The following ITGBL1 variants were observed in gnomAD, a reference collection of about 807,000 sequenced individuals.
The protein encoded by ITGBL1 is integrin beta-like protein 1.
In ITGBL1, 51 loss-of-function variants were observed where a neutral mutation model predicts 68.5. The ratio of observed to expected loss-of-function variants is 0.74; its 90% confidence interval spans 0.59 to 0.94. The LOEUF (loss-of-function observed/expected upper bound fraction) is 0.94. Ranked by LOEUF, ITGBL1 falls within the 40% of genes least tolerant of loss-of-function variation. The probability of loss-of-function intolerance (pLI) is 0.00; values close to 1 mark genes in which losing one functional copy is unlikely to be tolerated. For synonymous variants in ITGBL1, 209 were observed against 227.3 expected (o/e 0.92, Z 0.72); for missense variants, 649 against 647.4 (o/e 1.00, Z -0.03).
At chr13:101,569,066 A>T (rs2050229437) in intron 3 of ITGBL1, among the ~76,000 whole-genome samples, 1 of 133,180 alleles carries the variant, frequency 7.5e-6, no homozygotes, top group African/African-American at 2.9e-5. Context: ...ACACACACAC[A>T]CACACTTCTC....
chr13:101,715,420 A>G, intron 10 of ITGBL1, 143 bp from the exon 11 acceptor site: 1 of 681,100 alleles, frequency 1.5e-6, no homozygotes, highest in Non-Finnish European at 2.6e-6. Flanking sequence ...AATAAGATGT[A>G]ATAATAACAT....
chr13:101,655,587 G>A (rs965875813), intron 7 of ITGBL1, among the ~76,000 whole-genome samples: 2 of 151,808 alleles, frequency 1.3e-5, no homozygotes, highest in Non-Finnish European at 2.9e-5. Context: ...ATTTCTGTGT[G>A]TAAACCCAAT....
At chr13:101,566,852 C>T (rs1311656545) in intron 2 of ITGBL1, among the ~76,000 whole-genome samples, 1 of 152,178 alleles carries the variant, frequency 6.6e-6, no homozygotes, top group Non-Finnish European at 1.5e-5. Context: ...TCTGCTGTTA[C>T]GTCTATAGGT....
intron 7 of ITGBL1, among the ~76,000 whole-genome samples, chr13:101,628,940 T>C (rs886306837): frequency 1.3e-5 from 2 of 152,158 alleles, no homozygotes; most frequent in African/African-American, 2.4e-5. Context: ...GTAATCAACT[T>C]CTCATCTGTT....
At chr13:101,480,262 A>G (rs2048599094) in intron 2 of ITGBL1, among the ~76,000 whole-genome samples, 1 of 152,100 alleles carries the variant, frequency 6.6e-6, no homozygotes, top group Admixed American at 6.5e-5. Flanking sequence ...TGGGAGCTAA[A>G]AATCAATGCA....
intron 8 of ITGBL1, among the ~76,000 whole-genome samples, chr13:101,705,943 A>G (rs1173124003): frequency 6.6e-6 from 1 of 152,214 alleles, no homozygotes; most frequent in Non-Finnish European, 1.5e-5. Context: ...TGATTCAGAG[A>G]GACCCTGCTG....
Position 101,633,664 on chromosome 13 carries a change from C to T in ITGBL1, c.1015+35365C>T, listed in dbSNP as rs117772641. Among the ~76,000 whole-genome samples the T allele has an allele frequency of 4.9e-3, 744 of 152,226 alleles. 2 individuals carry two copies. Among genetic ancestry groups the T allele is most frequent in the Admixed American group, 8.3e-3 (126 of 15,270 alleles). On this transcript the variant is annotated intron_variant, in intron 7 of 10. Transcript: ENST00000376180. The stretch of plus-strand genomic sequence containing the variant: ...ACGTCACAGATAGTGACTGATCTTT[C>T]GGCCAAAGTAAGAAAAATACGTGAA...
At chr13:101,567,677 C>T (rs774706292) in intron 2 of ITGBL1, 22 bp from the exon 3 acceptor site, 5 of 1,609,510 alleles carry the variant, frequency 3.1e-6, no homozygotes, top group Non-Finnish European at 4.2e-6. Context: ...TTGAGTCTGA[C>T]TAGATGTTGT....
intron 1 of ITGBL1, 101 bp from the exon 2 acceptor site, chr13:101,453,782 C>G: frequency 1.4e-6 from 1 of 703,166 alleles, no homozygotes; most frequent in South Asian, 7.2e-5. Context: ...TGGGGTTGTA[C>G]GTCTGCACCT....
intron 2 of ITGBL1, among the ~76,000 whole-genome samples, chr13:101,524,823 ATTTG>A (rs1273109732): frequency 7.9e-5 from 12 of 152,090 alleles, no homozygotes; most frequent in East Asian, 1.9e-4. Flanking sequence ...GTAATTTTGC[ATTTG>A]TTTGTGTAAT....
intron 2 of ITGBL1, among the ~76,000 whole-genome samples, chr13:101,530,947 C>T (rs1488350610): frequency 6.6e-6 from 1 of 152,154 alleles, no homozygotes; most frequent in African/African-American, 2.4e-5. Context: ...TAAAAAATCA[C>T]TAAGAAAAGT....
At chr13:101,598,123 T>A in intron 6 of ITGBL1, 30 bp from the exon 7 acceptor site, 1 of 1,569,520 alleles carries the variant, frequency 6.4e-7, no homozygotes, top group Non-Finnish European at 8.6e-7. Context: ...TTTATGTACA[T>A]TTTTATTTTT....
chr13:101,517,852 C>T (rs1299840259), intron 2 of ITGBL1, among the ~76,000 whole-genome samples: 1 of 152,102 alleles, frequency 6.6e-6, no homozygotes, highest in Non-Finnish European at 1.5e-5. Flanking sequence ...TCCTGGGTGG[C>T]TACTTACCTG....
chr13:101,643,614 A>G (rs2032462333), intron 7 of ITGBL1, among the ~76,000 whole-genome samples: 1 of 152,184 alleles, frequency 6.6e-6, no homozygotes, highest in Non-Finnish European at 1.5e-5. Flanking sequence ...AATAAAGTCT[A>G]GGACTTCATT....
At chr13:101,563,557 G>A (rs939326185) in intron 2 of ITGBL1, among the ~76,000 whole-genome samples, 1 of 151,680 alleles carries the variant, frequency 6.6e-6, no homozygotes, top group African/African-American at 2.4e-5. Context: ...AAATGAAATG[G>A]GCCAAGTCCT....
intron 8 of ITGBL1, among the ~76,000 whole-genome samples, chr13:101,693,571 G>T (rs1290928739): frequency 6.6e-6 from 1 of 152,002 alleles, no homozygotes; most frequent in Admixed American, 6.6e-5. Context: ...GTAGTAGAGT[G>T]TGTGTCTTAA....
chr13:101,457,859 G>T (rs752879717), intron 2 of ITGBL1, among the ~76,000 whole-genome samples: 1 of 152,120 alleles, frequency 6.6e-6, no homozygotes, highest in African/African-American at 2.4e-5. Flanking sequence ...ATGTTTGATT[G>T]CATGGAAAGA....
chr13:101,507,565 G>A (rs952754340), intron 2 of ITGBL1, among the ~76,000 whole-genome samples: 1 of 151,994 alleles, frequency 6.6e-6, no homozygotes, highest in African/African-American at 2.4e-5. Flanking sequence ...CAATATCATC[G>A]ATGTTAGGAA....
intron 5 of ITGBL1, among the ~76,000 whole-genome samples, chr13:101,580,536 C>A (rs770319888): frequency 1.6e-4 from 24 of 152,104 alleles, no homozygotes; most frequent in Admixed American, 4.6e-4. Flanking sequence ...GTGTGCTGCA[C>A]CCATTAACTT....
Sources: allele counts gnomAD v4.1 joint callset (sites outside exome capture counted in the v4.1 genomes callset), GRCh38; gene constraint gnomAD v4.1.1; transcripts MANE v1.5; gene names NCBI Gene and HGNC (gene_info 2026-07-23, HGNC 2026-07-21).